The following MLIP variants were observed in gnomAD, a reference collection of about 807,000 sequenced individuals.
MLIP encodes the protein muscular LMNA interacting protein.
Under a neutral mutation model 84.8 loss-of-function variants are expected in MLIP, and 79 were observed. The ratio of observed to expected loss-of-function variants is 0.93; its 90% CI spans 0.78 to 1.12. The LOEUF (loss-of-function observed/expected upper bound fraction) is 1.12, where lower values mean the gene tolerates loss of function less well. Ranked by LOEUF, MLIP falls within the 50% of genes most tolerant of loss-of-function variation. The pLI is 0.00. For missense variants in MLIP, 1,257 were observed against 1,160.6 expected (o/e 1.08, Z -1.21); for synonymous variants, 504 against 463.0 (o/e 1.09, Z -1.14).
intron 1 of MLIP, chr6:54,045,488 G>A (rs541249245): frequency 7.1e-4 from 108 of 152,248 alleles, no homozygotes; most frequent in African/African-American, 2.6e-3. Context: ...TTATGATGCT[G>A]GTAGACTTGT....
intron 1 of MLIP, among the ~76,000 whole-genome samples, chr6:54,118,755 T>A (rs1384795944): frequency 6.6e-6 from 1 of 151,996 alleles, no homozygotes; most frequent in Non-Finnish European, 1.5e-5. Context: ...AAAATATTTG[T>A]AAATTATACA....
intron 1 of MLIP, among the ~76,000 whole-genome samples, chr6:54,094,701 A>G (rs1467767246): frequency 6.6e-6 from 1 of 151,960 alleles, no homozygotes; most frequent in Non-Finnish European, 1.5e-5. Context: ...TTTGCTGTCT[A>G]TGGCCTAAAA....
At chr6:54,102,453 T>G (rs1768723231) in intron 1 of MLIP, among the ~76,000 whole-genome samples, 4 of 152,110 alleles carry the variant, frequency 2.6e-5, no homozygotes. Flanking sequence ...TTTCTTTATG[T>G]ACCCTGGCCT....
intron 12 of MLIP, among the ~76,000 whole-genome samples, chr6:54,243,948 A>G (rs1020390073): frequency 6.6e-6 from 1 of 152,154 alleles, no homozygotes; most frequent in Non-Finnish European, 1.5e-5. Flanking sequence ...GAATTCCACA[A>G]TACTTTTCAC....
chr6:54,033,058 AT>A (rs1372711871), intron 1 of MLIP, among the ~76,000 whole-genome samples: 7 of 152,126 alleles, frequency 4.6e-5, no homozygotes, highest in Non-Finnish European at 1.5e-5. Context: ...CTTTAATTAA[AT>A]TTTTTAATGT....
At chr6:54,081,661 C>T (rs1362233530) in intron 1 of MLIP, among the ~76,000 whole-genome samples, 1 of 152,136 alleles carries the variant, frequency 6.6e-6, no homozygotes, top group Non-Finnish European at 1.5e-5. Context: ...GATCCACCCG[C>T]CCCGGCCTCC....
chr6:54,138,500 T>C (rs1772021766), intron 4 of MLIP, among the ~76,000 whole-genome samples: 1 of 152,170 alleles, frequency 6.6e-6, no homozygotes, highest in Non-Finnish European at 1.5e-5. Flanking sequence ...TCCTTTGATT[T>C]TGAAAATCCT....
intron 5 of MLIP, among the ~76,000 whole-genome samples, chr6:54,152,278 T>C (rs1773531659): frequency 6.6e-6 from 1 of 152,174 alleles, no homozygotes; most frequent in Non-Finnish European, 1.5e-5. Context: ...TTACAATATG[T>C]TCAACAATAT....
Position 54,067,805 on chromosome 6 carries a change from A to C in MLIP, c.63+48714A>C, listed in dbSNP as rs1404940033. On this transcript the variant is annotated intron_variant, in intron 1 of 12. Transcript: ENST00000274897. ...AGGATGCCACAAAACTCACTGTAGT[A>C]ATCAGTTTAGAGTGCAAGTGATGGG... Among the ~76,000 whole-genome samples the C allele has an allele frequency of 2.0e-5, 2 of 100,964 alleles. 1 individual carries two copies. Among genetic ancestry groups the C allele is most frequent in the Non-Finnish European group, 5.7e-5 (2 of 35,034 alleles). 66.2% of individuals were successfully genotyped at this position (100,964 alleles called of 152,430 possible).
intron 1 of MLIP, among the ~76,000 whole-genome samples, chr6:54,033,568 A>G (rs1581995986): frequency 6.6e-6 from 1 of 151,984 alleles, no homozygotes; most frequent in East Asian, 1.9e-4. Context: ...CCCGGGTGGA[A>G]CTAAGTCTTA....
intron 1 of MLIP, among the ~76,000 whole-genome samples, chr6:54,098,010 G>A (rs954464790): frequency 3.9e-5 from 6 of 152,124 alleles, no homozygotes; most frequent in East Asian, 1.9e-4. Flanking sequence ...ACCTGGAAAT[G>A]CACGTTGAAA....
At chr6:54,039,088 T>C (rs1764603599) in intron 1 of MLIP, among the ~76,000 whole-genome samples, 1 of 151,894 alleles carries the variant, frequency 6.6e-6, no homozygotes, top group Non-Finnish European at 1.5e-5. Flanking sequence ...TGCCATCCTT[T>C]TGATTTTTGA....
At position 54,084,059 on chromosome 6, in the gene MLIP, C is replaced by T. The variant is rs375506111; in HGVS notation, c.64-37388C>T. On this transcript the variant is annotated intron_variant, in intron 1 of 12. Coordinates refer to the MLIP transcript ENST00000274897. ...GATTTGATCTTGAAATAGGTTTCAA[C>T]ATGTAATTCTAATTTCTTAACATAG... 2.1e-4 allele frequency among the ~76,000 whole-genome samples: 32 copies of T among 152,232 alleles called. 1 individual carries two copies. The East Asian group carries it at 3.1e-3, about 15-fold the overall frequency.
intron 9 of MLIP, among the ~76,000 whole-genome samples, chr6:54,183,518 G>C (rs1314161438): frequency 1.3e-5 from 2 of 151,838 alleles, no homozygotes; most frequent in East Asian, 3.9e-4. Context: ...TGCTTGATCT[G>C]ATCTTTTATT....
intron 1 of MLIP, among the ~76,000 whole-genome samples, chr6:54,075,843 T>C (rs1766772556): frequency 6.6e-6 from 1 of 152,226 alleles, no homozygotes; most frequent in South Asian, 2.1e-4. Context: ...ACTTCTCTGA[T>C]CTGCCAGGTG....
At chr6:54,143,654 C>T (rs1001445685) in intron 4 of MLIP, among the ~76,000 whole-genome samples, 1 of 152,156 alleles carries the variant, frequency 6.6e-6, no homozygotes, top group Non-Finnish European at 1.5e-5. Flanking sequence ...TAGAAATGTT[C>T]TCAGGGCATG....
At chr6:54,109,693 T>G (rs919928856), upstream of MLIP, among the ~76,000 whole-genome samples, 24 of 152,142 alleles carry the variant, frequency 1.6e-4, no homozygotes, top group Admixed American at 9.8e-4. Flanking sequence ...TCTCTGAAAT[T>G]CCTCTGTCTT....
chr6:54,153,380 T>C (rs532746838), intron 5 of MLIP, among the ~76,000 whole-genome samples: 3 of 152,218 alleles, frequency 2.0e-5, no homozygotes, highest in Admixed American at 1.3e-4. Context: ...TTGCCCAGGC[T>C]AGATTTGAAA....
intron 1 of MLIP, among the ~76,000 whole-genome samples, chr6:54,060,294 A>C (rs1765895004): frequency 6.6e-6 from 1 of 152,248 alleles, no homozygotes; most frequent in African/African-American, 2.4e-5. Flanking sequence ...CTTAAATGAC[A>C]TTCCTGAATC....
Sources: allele counts gnomAD v4.1 joint callset (sites outside exome capture counted in the v4.1 genomes callset), GRCh38; gene constraint gnomAD v4.1.1; transcripts MANE v1.5; gene names NCBI Gene and HGNC (gene_info 2026-07-23, HGNC 2026-07-21).